AMOTL1: variants seen among roughly 807,000 people sequenced by gnomAD.
The protein encoded by AMOTL1 is angiomotin-like protein 1.
AMOTL1 carries 45 observed loss-of-function variants against 102.9 expected under a neutral mutation model. That is an observed-to-expected ratio of 0.44 (90% CI 0.34 to 0.56). The LOEUF is 0.56. Among genes scored for constraint, AMOTL1 ranks in the 20% least tolerant of loss-of-function variants. The pLI is 0.01. For synonymous variants in AMOTL1, 481 were observed against 484.7 expected, an observed-to-expected ratio of 0.99 and a Z score of 0.10; for missense variants, 1,114 against 1,225.6, an observed-to-expected ratio of 0.91 and a Z score of 1.36.
At chr11:94,790,694 G>C (rs1034821027) in intron 1 of AMOTL1, among the ~76,000 whole-genome samples, 1 of 152,190 alleles carries the variant, frequency 6.6e-6, no homozygotes, top group African/African-American at 2.4e-5. Context: ...GTGTAAGGGA[G>C]TGGCATGCCG....
chr11:94,740,390 A>T (rs1950501323), intron 2 of AMOTL1: 1 of 152,140 alleles, frequency 6.6e-6, no homozygotes. Flanking sequence ...ACTAGGGAGG[A>T]TTCCGCCAGC....
intron 6 of AMOTL1, among the ~76,000 whole-genome samples, chr11:94,838,311 T>C (rs1392648525): frequency 6.6e-6 from 1 of 152,268 alleles, no homozygotes; most frequent in Admixed American, 6.5e-5. Flanking sequence ...TTGCTGGACA[T>C]TGAATGAAAT....
At chr11:94,721,803 A>G (rs1591892091) in intron 1 of AMOTL1, among the ~76,000 whole-genome samples, 1 of 152,160 alleles carries the variant, frequency 6.6e-6, no homozygotes, top group Non-Finnish European at 1.5e-5. Flanking sequence ...TTAAAATTAT[A>G]TATGCAGCTC....
At chr11:94,768,656 C>A in intron 1 of AMOTL1, 96 bp downstream of exon 1, 3 of 1,525,768 alleles carry the variant, frequency 2.0e-6, no homozygotes, top group Non-Finnish European at 2.7e-6. Flanking sequence ...CTGCTGCTCA[C>A]GGAAGGGGGC....
intron 1 of AMOTL1, among the ~76,000 whole-genome samples, chr11:94,717,250 A>G (rs1950111750): frequency 6.6e-6 from 1 of 151,180 alleles, no homozygotes; most frequent in Non-Finnish European, 1.5e-5. Context: ...GGGAGAGGTA[A>G]AAGTGAGTCT....
chr11:94,753,074 CTG>C (rs1950676495), intron 3 of AMOTL1, among the ~76,000 whole-genome samples: 1 of 152,176 alleles, frequency 6.6e-6, no homozygotes. Context: ...CAACTCCAGA[CTG>C]AGTATTTGCT....
intron 3 of AMOTL1, among the ~76,000 whole-genome samples, chr11:94,808,965 CTTTTTTTTT>C (rs199619372): frequency 1.8e-5 from 2 of 111,894 alleles, no homozygotes; most frequent in African/African-American, 7.2e-5. Context: ...TTCTTTCTTT[CTTTTTTTTT>C]TTTTTTTTTT....
intron 8 of AMOTL1, among the ~76,000 whole-genome samples, chr11:94,859,152 A>G (rs960212156): frequency 3.9e-5 from 6 of 152,178 alleles, no homozygotes; most frequent in African/African-American, 1.2e-4. Flanking sequence ...GGAGGCCAAG[A>G]CTTAATTCCT....
At chr11:94,719,566 ATGTGTG>A (rs34142147) in intron 1 of AMOTL1, among the ~76,000 whole-genome samples, 2 of 148,026 alleles carry the variant, frequency 1.4e-5, no homozygotes, top group African/African-American at 2.5e-5. Context: ...CAGAGCGAAA[ATGTGTG>A]TGTGTGTGTG....
chr11:94,867,970 T>G (rs1252623062), intron 11 of AMOTL1, among the ~76,000 whole-genome samples: 1 of 152,194 alleles, frequency 6.6e-6, no homozygotes, highest in East Asian at 1.9e-4. Flanking sequence ...AAGGCCTGTC[T>G]CGCAGGAATG....
At chr11:94,707,658 C>G (rs1448346639) in intron 1 of AMOTL1, among the ~76,000 whole-genome samples, 1 of 152,084 alleles carries the variant, frequency 6.6e-6, no homozygotes, top group Non-Finnish European at 1.5e-5. Flanking sequence ...TATACATTCA[C>G]CTCAGACTAG....
chr11:94,857,906 C>T (rs1952700625), intron 8 of AMOTL1, among the ~76,000 whole-genome samples: 2 of 152,152 alleles, frequency 1.3e-5, no homozygotes, highest in South Asian at 4.2e-4. Flanking sequence ...GACCATCAAT[C>T]TGTTTTTCTC....
chr11:94,753,401 T>C (rs1209702352), intron 3 of AMOTL1, among the ~76,000 whole-genome samples: 44 of 151,714 alleles, frequency 2.9e-4, no homozygotes, highest in Non-Finnish European at 8.8e-5. Flanking sequence ...TCTACTCTCT[T>C]AATTCATTTG....
chr11:94,854,142 G>A (rs1952609285), intron 8 of AMOTL1, 60 bp downstream of exon 8: 1 of 1,462,008 alleles, frequency 6.8e-7, no homozygotes, highest in Non-Finnish European at 9.1e-7. Context: ...CAAACGTATG[G>A]ATGTTCTACC....
intron 2 of AMOTL1, among the ~76,000 whole-genome samples, chr11:94,798,337 G>A (rs943808815): frequency 2.0e-5 from 3 of 152,180 alleles, no homozygotes; most frequent in Non-Finnish European, 4.4e-5. Flanking sequence ...TGAACTTGGA[G>A]ATTGGCACGG....
intron 3 of AMOTL1, among the ~76,000 whole-genome samples, chr11:94,746,000 A>G (rs1259796981): frequency 6.6e-6 from 1 of 152,170 alleles, no homozygotes; most frequent in Non-Finnish European, 1.5e-5. Flanking sequence ...TAGTTCCACT[A>G]CTTTTTTGCC....
chr11:94,758,752 T>C (rs1313803623), intron 3 of AMOTL1, among the ~76,000 whole-genome samples: 2 of 152,198 alleles, frequency 1.3e-5, no homozygotes, highest in Admixed American at 1.3e-4. Context: ...ATACAAGAAA[T>C]TTTTGGGATA....
chr11:94,781,185 G>A (rs528850866), intron 1 of AMOTL1, among the ~76,000 whole-genome samples: 1 of 152,014 alleles, frequency 6.6e-6, no homozygotes, highest in South Asian at 2.1e-4. Context: ...TCAAGGACCC[G>A]AAGGTGCATT....
Position 94,876,143 on chromosome 11 carries a change from T to C in AMOTL1, c.*5348T>C, listed in dbSNP as rs1458438808. On this transcript the variant is annotated 3_prime_UTR_variant, in exon 13 of 13. Coordinates refer to ENST00000433060, the MANE Select transcript of AMOTL1 (RefSeq NM_130847.3). Reference sequence around the variant, plus strand: ...GATTGTGCCTAGGAGTCTGTTCACATAGAGACACCTGTAAGTATTTATTAC... The same window carrying C: ...GATTGTGCCTAGGAGTCTGTTCACACAGAGACACCTGTAAGTATTTATTAC... 6.6e-6 allele frequency: 1 copy of C among 152,668 alleles called. No individual in the cohort carries two copies. Among genetic ancestry groups the C allele is most frequent in the African/African-American group, 2.4e-5 (1 of 41,462 alleles). The allele number at this position is 152,668 out of a possible 1,614,324, so 9.5% of individuals were successfully genotyped here.
Sources: gnomAD v4.1 joint callset for allele counts (sites outside exome capture counted in the v4.1 genomes callset) on GRCh38, gnomAD v4.1.1 for gene constraint, MANE v1.5 for transcripts, NCBI Gene and HGNC (gene_info 2026-07-23, HGNC 2026-07-21) for gene names.